Variants in SLCO1B3 observed in about 807,000 individuals in gnomAD.
SLCO1B3 encodes solute carrier organic anion transporter family member 1B3.
Under a neutral mutation model 71.8 loss-of-function variants are expected in SLCO1B3, and 72 were observed. The ratio of observed to expected loss-of-function variants is 1.00; its 90% CI spans 0.83 to 1.22. The LOEUF (loss-of-function observed/expected upper bound fraction) is 1.22. SLCO1B3 is among the 50% of genes most tolerant of loss of function. The pLI is 0.00. For synonymous variants in SLCO1B3, 298 were observed against 278.4 expected (o/e 1.07, Z -0.70); for missense variants, 911 against 819.7 (o/e 1.11, Z -1.36).
At chr12:20,838,548 A>T (rs7978253) in intron 3 of SLCO1B3, among the ~76,000 whole-genome samples, 110,056 of 151,934 alleles carry the variant, frequency 0.72, 42,449 homozygotes, top group South Asian at 0.9. Context: ...AACATCATAG[A>T]CTGTACTTAC....
intron 13 of SLCO1B3, 52 bp downstream of exon 13, chr12:20,883,654 T>C (rs1865739308): frequency 4.5e-6 from 5 of 1,121,784 alleles, no homozygotes; most frequent in Non-Finnish European, 5.0e-6. Flanking sequence ...AAAACACACC[T>C]AATGATAGGC....
At chr12:20,891,416 C>A (rs1865901143) in intron 13 of SLCO1B3, among the ~76,000 whole-genome samples, 1 of 151,922 alleles carries the variant, frequency 6.6e-6, no homozygotes, top group South Asian at 2.1e-4. Flanking sequence ...ATTCTTTTTA[C>A]AGGTAATTAG....
intron 3 of SLCO1B3, among the ~76,000 whole-genome samples, chr12:20,853,390 A>T (rs1322367963): frequency 6.6e-6 from 1 of 151,980 alleles, no homozygotes; most frequent in African/African-American, 2.4e-5. Context: ...GAAGTATTTG[A>T]TACTGCTTCA....
Position 20,881,028 on chromosome 12 carries a change from T to A in SLCO1B3, c.1497+8T>A, listed in dbSNP as rs1468111885. Reference sequence around the variant, plus strand: ...GGTATTAAAAAGCATACAGTGAGTATTAGTTTTCACTTTTTCTCCTCTCCT... The same window carrying A: ...GGTATTAAAAAGCATACAGTGAGTAATAGTTTTCACTTTTTCTCCTCTCCT... On this transcript the variant is annotated splice_region_variant and intron_variant, in intron 12 of 15. Coordinates refer to ENST00000381545, the MANE Select transcript of SLCO1B3 (RefSeq NM_019844.4). 1 of 1,574,944 alleles carries A rather than the reference T, an allele frequency of 6.3e-7. No individual in the cohort carries two copies. Among genetic ancestry groups the A allele is most frequent in the Non-Finnish European group, 8.6e-7 (1 of 1,159,974 alleles).
intron 10 of SLCO1B3, 44 bp downstream of exon 10, chr12:20,877,980 G>T: frequency 7.9e-7 from 1 of 1,273,430 alleles, no homozygotes; most frequent in Non-Finnish European, 1.1e-6. Flanking sequence ...ATGAAACACT[G>T]CTGAGTACTT....
At chr12:20,905,118 C>T (rs759413905) in intron 15 of SLCO1B3, among the ~76,000 whole-genome samples, 1 of 152,154 alleles carries the variant, frequency 6.6e-6, no homozygotes, top group Non-Finnish European at 1.5e-5. Flanking sequence ...GAAGTCATGG[C>T]CCAAGCTGTA....
In SLCO1B3 at chr12:20,862,435, C is replaced by T. The variant is rs764685801; in HGVS notation, c.505C>T (p.His169Tyr). Residue 169 changes from histidine (H) to tyrosine (Y), a missense_variant, in exon 7 of 16, where the codon CAC becomes TAC. Physicochemically the swap from His to Tyr is moderately conservative, Grantham distance 83. Transcript: ENST00000381545. ...EKDCVKESGS[H>Y]MWIYVFMGNM... ...AGATTGTGTAAAGGAATCTGGGTCA[C>T]ACATGTGGATCTATGTCTTCATGGG... 5 of 1,612,628 alleles carry T rather than the reference C, an allele frequency of 3.1e-6. No individual in the cohort carries two copies. Among genetic ancestry groups the T allele is most frequent in the East Asian group, 2.2e-5 (1 of 44,822 alleles).
At chr12:20,872,004 GCTGT>G (rs1865484124) in intron 8 of SLCO1B3, among the ~76,000 whole-genome samples, 1 of 152,134 alleles carries the variant, frequency 6.6e-6, no homozygotes, top group Non-Finnish European at 1.5e-5. Flanking sequence ...GCCTACAGAT[GCTGT>G]CTGAGAGCCA....
intron 8 of SLCO1B3, among the ~76,000 whole-genome samples, chr12:20,868,724 T>C (rs1865420097): frequency 6.6e-6 from 1 of 151,960 alleles, no homozygotes; most frequent in African/African-American, 2.4e-5. Flanking sequence ...CAGAGACTGG[T>C]AGTGGCCCCG....
intron 3 of SLCO1B3, among the ~76,000 whole-genome samples, chr12:20,827,980 G>C (rs1362796402): frequency 6.6e-6 from 1 of 152,188 alleles, no homozygotes; most frequent in Non-Finnish European, 1.5e-5. Flanking sequence ...CAGAGAGAGA[G>C]TGGTGTGCTA....
intron 10 of SLCO1B3, 52 bp downstream of exon 10, chr12:20,877,988 C>T (rs763077692): frequency 8.5e-7 from 1 of 1,178,292 alleles, no homozygotes; most frequent in East Asian, 2.7e-5. Flanking sequence ...CTGCTGAGTA[C>T]TTGTGTTCCA....
chr12:20,829,922 G>C lies in SLCO1B3; in HGVS notation c.84+14100G>C, dbSNP rs184321067. On this transcript the variant is annotated intron_variant, in intron 3 of 15. Transcript: ENST00000381545. ...AGTGAGGATGACCAGAAGTCACTCT[G>C]TGGCCATTTGGTTTTGGTGGGTTTT... Among the ~76,000 whole-genome samples, 27 of 152,276 alleles carry C rather than the reference G, an allele frequency of 1.8e-4. No individual in the cohort carries two copies. The East Asian group carries it at 5.2e-3, about 29-fold the overall frequency.
chr12:20,848,364 A>G (rs1241387555), intron 3 of SLCO1B3, among the ~76,000 whole-genome samples: 1 of 152,194 alleles, frequency 6.6e-6, no homozygotes, highest in Non-Finnish European at 1.5e-5. Context: ...GAGCAACCAG[A>G]ATTCTCATTT....
chr12:20,858,609 T>A (rs375980079), intron 5 of SLCO1B3, 38 bp downstream of exon 5: 1 of 1,555,876 alleles, frequency 6.4e-7, no homozygotes. Context: ...TATTATCAGC[T>A]ACTTGTAAAT....
chr12:20,828,157 C>T (rs752504812), intron 3 of SLCO1B3, among the ~76,000 whole-genome samples: 4 of 152,040 alleles, frequency 2.6e-5, no homozygotes, highest in Non-Finnish European at 5.9e-5. Context: ...TCCTAGGTCT[C>T]CAAAAGGAAA....
At chr12:20,838,428 C>A (rs1195854169) in intron 3 of SLCO1B3, among the ~76,000 whole-genome samples, 5 of 151,926 alleles carry the variant, frequency 3.3e-5, no homozygotes, top group Non-Finnish European at 7.4e-5. Context: ...TTAGTTGGTG[C>A]ATTTAGATAA....
intron 15 of SLCO1B3, among the ~76,000 whole-genome samples, chr12:20,908,679 G>T (rs1866305559): frequency 6.6e-6 from 1 of 152,032 alleles, no homozygotes; most frequent in Non-Finnish European, 1.5e-5. Context: ...TCAGTAATAT[G>T]CATTTAAGTT....
At chr12:20,863,461 T>C (rs556604683) in intron 8 of SLCO1B3, among the ~76,000 whole-genome samples, 40 of 152,318 alleles carry the variant, frequency 2.6e-4, no homozygotes, top group African/African-American at 9.6e-4. Flanking sequence ...TAAGAATCAA[T>C]GTTGTAATAT....
intron 6 of SLCO1B3, 134 bp downstream of exon 6, chr12:20,861,272 A>G (rs1865260620): frequency 2.7e-6 from 2 of 747,376 alleles, no homozygotes; most frequent in East Asian, 3.3e-5. Flanking sequence ...CATACAGACA[A>G]AATCATACTG....
Sources: allele counts gnomAD v4.1 joint callset (sites outside exome capture counted in the v4.1 genomes callset), GRCh38; gene constraint gnomAD v4.1.1; transcripts MANE v1.5; gene names NCBI Gene and HGNC (gene_info 2026-07-23, HGNC 2026-07-21).